Variants in EPB41 observed in about 807,000 individuals in gnomAD.
EPB41 encodes the protein erythrocyte membrane protein band 4.1.
Under a neutral mutation model 108.0 loss-of-function variants are expected in EPB41, and 65 were observed. The ratio of observed to expected loss-of-function variants is 0.60; its 90% CI spans 0.49 to 0.74. EPB41 has a LOEUF of 0.74. Among genes scored for constraint, EPB41 ranks in the 30% least tolerant of loss-of-function variants. The probability of loss-of-function intolerance (pLI) is 0.00; values close to 1 mark genes in which losing one functional copy is unlikely to be tolerated. For missense variants in EPB41, 875 were observed against 1,037.0 expected (o/e 0.84, Z 2.15); for synonymous variants, 336 against 358.9 (o/e 0.94, Z 0.72).
intron 16 of EPB41, among the ~76,000 whole-genome samples, chr1:29,073,551 T>C (rs1012814107): frequency 4.6e-5 from 7 of 152,230 alleles, no homozygotes; most frequent in African/African-American, 1.7e-4. Flanking sequence ...AATAGCTGTT[T>C]ATTTCCATCT....
chr1:29,063,338 C>T (rs181504010), intron 15 of EPB41, among the ~76,000 whole-genome samples: 45 of 152,328 alleles, frequency 3.0e-4, no homozygotes, highest in Non-Finnish European at 4.0e-4. Context: ...GCAAGCAAAA[C>T]ATGCTCTTCT....
In EPB41 at chr1:29,115,854, A is replaced by G. The variant is rs1670764209; in HGVS notation, c.*6+51A>G. 1 of 1,426,854 alleles carries G rather than the reference A, an allele frequency of 7.0e-7. No individual in the cohort carries two copies. The highest frequency in any genetic ancestry group is 1.4e-5 in the African/African-American group (1 of 70,994). The allele number at this position is 1,426,854 out of a possible 1,614,324, so 88.4% of individuals were successfully genotyped here. A position where few individuals can be genotyped will look rare whatever the true frequency, so the allele number is the denominator to read the frequency against. ...AGGGTGCCCACAGTCCCAGCCTGAG[A>G]GGGCTCTGGATGGGACCCTCGGACA... On this transcript the variant is annotated intron_variant, in intron 20 of 20. Coordinates refer to ENST00000343067, the MANE Select transcript of EPB41 (RefSeq NM_001376013.1). This position sits in a 1 kb window ranked among gnomAD's most constrained non-coding sequence, Gnocchi z 4.4.
In EPB41 at chr1:28,993,411, G is replaced by C; in HGVS notation, c.550G>C (p.Val184Leu). The change falls in exon 3 of 21, where the codon GTA (valine) becomes CTA (leucine). Residue 184 changes from valine to leucine, a missense_variant. By Grantham distance (32) the Val-to-Leu change is conservative. Coordinates refer to ENST00000343067, the MANE Select transcript of EPB41 (RefSeq NM_001376013.1). ...EGLEECSKIE[V>L]KEESPQSKAE... is the part of the protein sequence containing the mutation. ...ACTTGAAGAGTGCTCCAAAATAGAA[G>C]TAAAAGAAGAAAGCCCTCAATCAAA... is the stretch of plus-strand genomic sequence containing the variant. 1 of 1,613,922 alleles carries C rather than the reference G, an allele frequency of 6.2e-7. No individual in the cohort carries two copies. Among genetic ancestry groups the C allele is most frequent in the Non-Finnish European group, 8.5e-7 (1 of 1,179,978 alleles).
chr1:29,102,002 A>G (rs1006909488), intron 17 of EPB41, among the ~76,000 whole-genome samples: 3 of 152,270 alleles, frequency 2.0e-5, no homozygotes, highest in African/African-American at 7.2e-5. Context: ...GGAAACAAGA[A>G]AAAAGAAATG....
At chr1:28,957,388 C>T (rs978644896) in intron 1 of EPB41, among the ~76,000 whole-genome samples, 8 of 152,202 alleles carry the variant, frequency 5.3e-5, no homozygotes, top group Admixed American at 5.2e-4. Context: ...AATGTTCAAT[C>T]TGCCTGACAG....
chr1:28,930,940 T>C (rs1323095403), intron 1 of EPB41, among the ~76,000 whole-genome samples: 1 of 152,178 alleles, frequency 6.6e-6, no homozygotes, highest in Non-Finnish European at 1.5e-5. Flanking sequence ...ATATCTTAAA[T>C]ACATGATACT....
intron 1 of EPB41, among the ~76,000 whole-genome samples, chr1:28,895,949 C>G (rs7525619): frequency 0.057 from 8,653 of 152,272 alleles, 642 homozygotes; most frequent in African/African-American, 0.17. Context: ...ACTGCACCCC[C>G]ACCCAGGCCT....
At chr1:29,107,184 C>G (rs1015160582) in intron 17 of EPB41, among the ~76,000 whole-genome samples, 2 of 151,678 alleles carry the variant, frequency 1.3e-5, no homozygotes, top group Admixed American at 1.3e-4. Flanking sequence ...TCCCTCTCAA[C>G]AAAAAATAAA....
intron 20 of EPB41, among the ~76,000 whole-genome samples, chr1:29,116,399 T>C (rs1042152321): frequency 6.6e-6 from 1 of 152,100 alleles, no homozygotes; most frequent in Non-Finnish European, 1.5e-5. Flanking sequence ...TCCACCTGGC[T>C]TGGCCTCCCA....
intron 1 of EPB41, among the ~76,000 whole-genome samples, chr1:28,893,215 G>C (rs1039101342): frequency 6.6e-6 from 1 of 151,992 alleles, no homozygotes; most frequent in Non-Finnish European, 1.5e-5. Flanking sequence ...CTGAGTAGGT[G>C]GGACTCCACC....
upstream of EPB41, chr1:28,910,896 G>T (rs2092220329): frequency 1.2e-6 from 1 of 841,790 alleles, no homozygotes; most frequent in Non-Finnish European, 1.4e-6. Context: ...AGATAGAGAT[G>T]GTCCTTAGGG....
At chr1:29,025,790 G>A (rs2096710980) in intron 7 of EPB41, among the ~76,000 whole-genome samples, 1 of 151,790 alleles carries the variant, frequency 6.6e-6, no homozygotes, top group Non-Finnish European at 1.5e-5. Context: ...TCCATGCAGA[G>A]GGGCAGTCTG....
chr1:29,110,454 G>A (rs1668779023), intron 18 of EPB41, among the ~76,000 whole-genome samples: 1 of 152,164 alleles, frequency 6.6e-6, no homozygotes, highest in African/African-American at 2.4e-5. Flanking sequence ...CTGGGTCTGA[G>A]GAAGAATTTT....
Position 29,068,768 on chromosome 1 carries a change from G to A in EPB41, c.2184+3610G>A, listed in dbSNP as rs1649745118. Reference sequence around the variant, plus strand: ...CTTCTGTCCTACCCTCGGAAAGAAAGGTTGGTGGGCCAGAGGTAAAGCTGC... The same window carrying A: ...CTTCTGTCCTACCCTCGGAAAGAAAAGTTGGTGGGCCAGAGGTAAAGCTGC... On this transcript the variant is annotated intron_variant, in intron 16 of 20. Coordinates refer to ENST00000343067, the MANE Select transcript of EPB41 (RefSeq NM_001376013.1). 3 of 1,232,060 alleles carry A rather than the reference G, an allele frequency of 2.4e-6. No individual in the cohort carries two copies. The African/African-American group carries it at 4.7e-5, about 19-fold the overall frequency. The allele number at this position is 1,232,060 out of a possible 1,614,324, so 76.3% of individuals were successfully genotyped here. A position where few individuals can be genotyped will look rare whatever the true frequency, so the allele number is the denominator to read the frequency against.
chr1:28,990,148 C>T (rs373768176), intron 2 of EPB41, among the ~76,000 whole-genome samples: 6 of 149,820 alleles, frequency 4.0e-5, no homozygotes, highest in African/African-American at 1.5e-4. Flanking sequence ...CCCAGCTACT[C>T]GGAAGGCGAG....
chr1:28,926,449 A>G (rs947497221), intron 1 of EPB41, among the ~76,000 whole-genome samples: 1 of 152,208 alleles, frequency 6.6e-6, no homozygotes, highest in Non-Finnish European at 1.5e-5. Flanking sequence ...AACTTGTCCA[A>G]AGTTACACAA....
intron 1 of EPB41, chr1:28,890,821 T>C (rs1485517061): frequency 6.6e-6 from 5 of 762,822 alleles, no homozygotes; most frequent in East Asian, 1.3e-4. Flanking sequence ...GAACTTAGGT[T>C]CAACTCCAAA....
intron 5 of EPB41, among the ~76,000 whole-genome samples, chr1:29,012,793 C>T (rs549447704): frequency 1.1e-4 from 16 of 152,102 alleles, no homozygotes; most frequent in Non-Finnish European, 1.8e-4. Flanking sequence ...GTTTTCTTAA[C>T]GGAAGAAACA....
At chr1:29,003,067 G>A (rs2096330565) in intron 4 of EPB41, among the ~76,000 whole-genome samples, 1 of 152,172 alleles carries the variant, frequency 6.6e-6, no homozygotes, top group East Asian at 1.9e-4. Context: ...CAGTGAAGAA[G>A]CTTAGACCAA....
Sources: gnomAD v4.1 joint callset for allele counts (sites outside exome capture counted in the v4.1 genomes callset) on GRCh38, gnomAD v4.1.1 for gene constraint, Gnocchi (gnomAD v3.1) non-coding constraint, MANE v1.5 for transcripts, NCBI Gene and HGNC (gene_info 2026-07-23, HGNC 2026-07-21) for gene names.